The following SLC6A19 variants were observed in gnomAD, a reference collection of about 807,000 sequenced individuals.
The protein encoded by SLC6A19 is solute carrier family 6 member 19, also known as sodium-dependent neutral amino acid transporter B(0)AT1.
In SLC6A19, 67 loss-of-function variants were observed where a neutral mutation model predicts 68.3. That is an observed-to-expected ratio of 0.98 (90% CI 0.81 to 1.20). The LOEUF (loss-of-function observed/expected upper bound fraction) is 1.20, where lower values mean the gene tolerates loss of function less well. Ranked by LOEUF, SLC6A19 falls within the 50% of genes most tolerant of loss-of-function variation. The probability of loss-of-function intolerance (pLI) is 0.00; values close to 1 mark genes in which losing one functional copy is unlikely to be tolerated. For synonymous variants in SLC6A19, 392 were observed against 374.9 expected (o/e 1.05, Z -0.53); for missense variants, 813 against 851.6 (o/e 0.95, Z 0.56).
rs1745992529 is a variant in SLC6A19, at chr5:1,210,429, G to C, written c.344-15G>C. The C allele has an allele frequency of 6.2e-7, 1 of 1,612,262 alleles. No homozygotes were observed. The highest frequency in any genetic ancestry group is 8.5e-7 in the Non-Finnish European group (1 of 1,179,950). ...TGTGCCTCGGCCCCAAGCCTCAGCA[G>C]CAGCCTCCCTGCAGGCCTGGCCTCC... On this transcript the variant is annotated splice_polypyrimidine_tract_variant and intron_variant, in intron 2 of 11. Transcript: ENST00000304460.
chr5:1,221,454 C>T, intron 11 of SLC6A19, 141 bp downstream of exon 11: 1 of 1,130,360 alleles, frequency 8.8e-7, no homozygotes, highest in Non-Finnish European at 1.3e-6. Context: ...CAGGTGCAGT[C>T]CAGCCACCAC....
chr5:1,210,610 C>A, intron 3 of SLC6A19, 29 bp downstream of exon 3: 1 of 1,610,670 alleles, frequency 6.2e-7, no homozygotes, highest in Non-Finnish European at 8.5e-7. Flanking sequence ...CCCCATCCGT[C>A]TCACCTGTGA....
At position 1,212,487 on chromosome 5, in the gene SLC6A19, ACTG is replaced by A. The variant is rs1392865673; in HGVS notation, c.663+5_663+7del. 3 of 1,606,152 alleles carry A rather than the reference ACTG, an allele frequency of 1.9e-6. No individual in the cohort carries two copies. Among genetic ancestry groups the A allele is most frequent in the Non-Finnish European group, 1.7e-6 (2 of 1,179,796 alleles). ...GCGGCATCGAGACCACCGGGAAGGT[ACTG>A]CATGGGCCCGGCCAGGCTGCAGGTG... On this transcript the variant is annotated splice_donor_5th_base_variant and intron_variant, in intron 4 of 11. Coordinates refer to ENST00000304460, the MANE Select transcript of SLC6A19 (RefSeq NM_001003841.3). The surrounding 1 kb of genome is among the most constrained non-coding windows in gnomAD (Gnocchi z 5.1).
At chr5:1,202,183 C>T (rs1179406876) in intron 1 of SLC6A19, among the ~76,000 whole-genome samples, 1 of 152,192 alleles carries the variant, frequency 6.6e-6, no homozygotes, top group Non-Finnish European at 1.5e-5. Context: ...ACAGCCCCTC[C>T]TCGGAGGACG....
chr5:1,222,026 A>AGTGTGTGTATTGT lies in SLC6A19; in HGVS notation c.*123_*135dup. 1 of 1,099,352 alleles carries AGTGTGTGTATTGT rather than the reference A, an allele frequency of 9.1e-7. No homozygotes were observed. Among genetic ancestry groups the AGTGTGTGTATTGT allele is most frequent in the Non-Finnish European group, 1.3e-6 (1 of 755,288 alleles). The allele number at this position is 1,099,352 out of a possible 1,614,324, so 68.1% of individuals were successfully genotyped here. ...AAGCGTGAGTGTATGCTCGTGTGTG[A>AGTGTGTGTATTGT]GTGTGTGTATTGTACACGCATGTGC... On this transcript the variant is annotated 3_prime_UTR_variant, in exon 12 of 12. Coordinates refer to ENST00000304460, the MANE Select transcript of SLC6A19 (RefSeq NM_001003841.3).
intron 1 of SLC6A19, 35 bp from the exon 2 acceptor site, chr5:1,208,711 C>G: frequency 1.9e-6 from 3 of 1,613,096 alleles, no homozygotes; most frequent in Non-Finnish European, 2.5e-6. Context: ...CCCCCGGGAA[C>G]GGCTCTCAGG....
chr5:1,222,425 G>A lies in SLC6A19; in HGVS notation c.*521G>A. 1 of 442,100 alleles carries A rather than the reference G, an allele frequency of 2.3e-6. No individual in the cohort carries two copies. 27.4% of individuals were successfully genotyped at this position (442,100 alleles called of 1,614,324 possible). On this transcript the variant is annotated 3_prime_UTR_variant, in exon 12 of 12. Transcript: ENST00000304460. ...TATCTGTGAGTGTATATACATGCAT[G>A]CAATTGTGTGTATGTGTGTTCTGTG...
intron 1 of SLC6A19, among the ~76,000 whole-genome samples, chr5:1,202,078 G>A (rs1369648005): frequency 6.6e-6 from 1 of 152,220 alleles, no homozygotes; most frequent in African/African-American, 2.4e-5. Flanking sequence ...CCAAGACTTC[G>A]TGTGGGGCTC....
chr5:1,202,450 A>G (rs1561159825), intron 1 of SLC6A19, among the ~76,000 whole-genome samples: 1 of 152,174 alleles, frequency 6.6e-6, no homozygotes, highest in Non-Finnish European at 1.5e-5. Context: ...CCAGGTAGGC[A>G]TGGCCGCTGC....
At chr5:1,211,245 C>T (rs1205120806) in intron 3 of SLC6A19, among the ~76,000 whole-genome samples, 1 of 152,186 alleles carries the variant, frequency 6.6e-6, no homozygotes, top group Non-Finnish European at 1.5e-5. Flanking sequence ...ATACGTGCAA[C>T]CCTCACTGCT....
chr5:1,212,527 G>A lies in SLC6A19; in HGVS notation c.663+43G>A, dbSNP rs202027681. ...CCAGGCTGCAGGTGCTCCAGAGGGC[G>A]GGTGCGGGCAGCCCTGCCTCCGGCC... On this transcript the variant is annotated intron_variant, in intron 4 of 11. Transcript: ENST00000304460. This position sits in a 1 kb window ranked among gnomAD's most constrained non-coding sequence, Gnocchi z 5.1. 65 of 1,599,306 alleles carry A rather than the reference G, an allele frequency of 4.1e-5. No individual in the cohort carries two copies. In the African/African-American group the frequency reaches 4.9e-4, roughly 12 times the overall value.
In SLC6A19 at chr5:1,220,409, C is replaced by CAA. The variant is rs70957336; in HGVS notation, c.1539-725_1539-724dup. On this transcript the variant is annotated intron_variant, in intron 10 of 11. Transcript: ENST00000304460. ...TGGGTGACAAAATGAGGCTCCATCTCAAAAAAAAAAAAAAAAAAGAGGAAG... is the reference window on the plus strand; with the variant it reads ...TGGGTGACAAAATGAGGCTCCATCTCAAAAAAAAAAAAAAAAAAAAGAGGAAG... 1.8e-3 allele frequency among the ~76,000 whole-genome samples: 190 copies of CAA among 105,588 alleles called. 1 individual carries two copies. The highest frequency in any genetic ancestry group is 0.016 in the Middle Eastern group (3 of 192). The allele number at this position is 105,588 out of a possible 152,430, so 69.3% of individuals were successfully genotyped here. A position where few individuals can be genotyped will look rare whatever the true frequency, so the allele number is the denominator to read the frequency against.
At chr5:1,208,268 C>T (rs776040160) in intron 1 of SLC6A19, among the ~76,000 whole-genome samples, 20 of 152,152 alleles carry the variant, frequency 1.3e-4, no homozygotes, top group East Asian at 3.8e-4. Flanking sequence ...ATCCACAGAA[C>T]GTTCATTAAG....
Position 1,212,886 on chromosome 5 carries a change from C to G in SLC6A19, c.663+402C>G, listed in dbSNP as rs1330006458. 6.6e-6 allele frequency among the ~76,000 whole-genome samples: 1 copy of G among 152,046 alleles called. No homozygotes were observed. Among genetic ancestry groups the G allele is most frequent in the Non-Finnish European group, 1.5e-5 (1 of 67,982 alleles). ...GGAATCTTTGGTACGAGGTCCAGAG[C>G]GGCCATCCCTTTCTTCTGGTGGGCC... On this transcript the variant is annotated intron_variant, in intron 4 of 11. Transcript: ENST00000304460. This position sits in a 1 kb window ranked among gnomAD's most constrained non-coding sequence, Gnocchi z 5.1.
At position 1,212,608 on chromosome 5, in the gene SLC6A19, C is replaced by G. The variant is rs1579512995; in HGVS notation, c.663+124C>G. 8.0e-7 allele frequency: 1 copy of G among 1,256,256 alleles called. No homozygotes were observed. Among genetic ancestry groups the G allele is most frequent in the Non-Finnish European group, 1.1e-6 (1 of 893,274 alleles). The allele number at this position is 1,256,256 out of a possible 1,614,324, so 77.8% of individuals were successfully genotyped here. ...CCCGGGCTCTGCCTTTCCCCAGACCCCACCAAGAGAGCTGCCTTTGCCCTT... is the reference window on the plus strand; with the variant it reads ...CCCGGGCTCTGCCTTTCCCCAGACCGCACCAAGAGAGCTGCCTTTGCCCTT... On this transcript the variant is annotated intron_variant, in intron 4 of 11. Transcript: ENST00000304460. The surrounding 1 kb of genome is among the most constrained non-coding windows in gnomAD (Gnocchi z 5.1).
At chr5:1,217,263 T>A (rs1049668833) in intron 8 of SLC6A19, among the ~76,000 whole-genome samples, 7 of 152,268 alleles carry the variant, frequency 4.6e-5, no homozygotes, top group Non-Finnish European at 8.8e-5. Context: ...TGGGGCCATC[T>A]GTAACACGGT....
rs1234241524 is a variant in SLC6A19 at position 1,209,530 on chromosome 5, GC to G, written c.343+647del. Among the ~76,000 whole-genome samples, 1 of 151,964 alleles carries G rather than the reference GC, an allele frequency of 6.6e-6. No homozygotes were observed. Reference sequence around the variant, plus strand: ...CTGAGTCTCCAAGGCCTCCCTCCAGGCCCAGGGCAGAGCCCACACCCTCTCG... The same window carrying G: ...CTGAGTCTCCAAGGCCTCCCTCCAGGCCAGGGCAGAGCCCACACCCTCTCG... On this transcript the variant is annotated intron_variant, in intron 2 of 11. Coordinates refer to ENST00000304460, the MANE Select transcript of SLC6A19 (RefSeq NM_001003841.3). This position sits in a 1 kb window ranked among gnomAD's most constrained non-coding sequence, Gnocchi z 5.5.
chr5:1,211,156 G>A lies in SLC6A19; in HGVS notation c.481+575G>A, dbSNP rs567210777. On this transcript the variant is annotated intron_variant, in intron 3 of 11. Coordinates refer to ENST00000304460, the MANE Select transcript of SLC6A19 (RefSeq NM_001003841.3). Reference sequence around the variant, plus strand: ...GTCCGACCAGCACAGCGGGGCCAGCGGGGCTTCCCTGCATGCTGCTGCTCT... The same window carrying A: ...GTCCGACCAGCACAGCGGGGCCAGCAGGGCTTCCCTGCATGCTGCTGCTCT... Among the ~76,000 whole-genome samples, 10 of 152,368 alleles carry A rather than the reference G, an allele frequency of 6.6e-5. No individual in the cohort carries two copies. The South Asian group carries it at 8.3e-4, about 13-fold the overall frequency.
In SLC6A19 at chr5:1,221,160, G is replaced by A; in HGVS notation, c.1548G>A (p.Lys516=). 6.2e-7 allele frequency: 1 copy of A among 1,613,766 alleles called. No individual in the cohort carries two copies. Among genetic ancestry groups the A allele is most frequent in the Non-Finnish European group, 8.5e-7 (1 of 1,179,896 alleles). ...VYVYGVDRFN[K]DIEFMIGHKP... is the part of the protein sequence containing the mutation. ...TCTCTGGCCTTGGCAGGTTCAATAA[G>A]GACATCGAGTTCATGATCGGCCACA... is the stretch of plus-strand genomic sequence containing the variant. The change falls in exon 11 of 12, where the codon AAG becomes AAA. Residue 516 remains lysine, a synonymous_variant. Coordinates refer to ENST00000304460, the MANE Select transcript of SLC6A19 (RefSeq NM_001003841.3).
Sources: gnomAD v4.1 joint callset for allele counts (sites outside exome capture counted in the v4.1 genomes callset) on GRCh38, gnomAD v4.1.1 for gene constraint, Gnocchi (gnomAD v3.1) non-coding constraint, MANE v1.5 for transcripts, NCBI Gene and HGNC (gene_info 2026-07-23, HGNC 2026-07-21) for gene names.